MYRFL: variants seen among roughly 807,000 people sequenced by gnomAD.
The protein encoded by MYRFL is myelin regulatory factor-like protein.
Under a neutral mutation model 109.4 loss-of-function variants are expected in MYRFL, and 88 were observed. The ratio of observed to expected loss-of-function variants is 0.80; its 90% CI spans 0.68 to 0.96. The LOEUF is 0.96. MYRFL is among the 40% of genes least tolerant of loss of function. The probability of loss-of-function intolerance (pLI) is 0.00; values close to 1 mark genes in which losing one functional copy is unlikely to be tolerated. For missense variants in MYRFL, 957 were observed against 954.9 expected, an observed-to-expected ratio of 1.00 and a Z score of -0.03; for synonymous variants, 324 against 320.9, an observed-to-expected ratio of 1.01 and a Z score of -0.10.
At chr12:69,833,547 A>G (rs187027281) in intron 1 of MYRFL, among the ~76,000 whole-genome samples, 172 of 152,356 alleles carry the variant, frequency 1.1e-3, no homozygotes, top group South Asian at 3.7e-3. Flanking sequence ...TGGATATTGT[A>G]CTAAGACTTT....
intron 13 of MYRFL, among the ~76,000 whole-genome samples, chr12:69,915,103 T>G (rs1954691885): frequency 6.6e-6 from 1 of 152,244 alleles, no homozygotes; most frequent in East Asian, 1.9e-4. Context: ...TCTTTCTTTT[T>G]AAGAATACAG....
At chr12:69,892,495 C>T (rs968901826) in intron 7 of MYRFL, among the ~76,000 whole-genome samples, 2 of 152,084 alleles carry the variant, frequency 1.3e-5, no homozygotes, top group African/African-American at 4.8e-5. Context: ...ACTACAGCCT[C>T]AACTTCCTGG....
At chr12:69,935,990 C>G (rs912093160) in intron 16 of MYRFL, 123 bp from the exon 17 acceptor site, 15 of 1,192,032 alleles carry the variant, frequency 1.3e-5, no homozygotes, top group South Asian at 1.6e-5. Context: ...ATCCCCTCCC[C>G]CCTGCTCCCA....
intron 11 of MYRFL, among the ~76,000 whole-genome samples, chr12:69,907,034 C>T (rs1243937964): frequency 6.6e-6 from 1 of 152,184 alleles, no homozygotes; most frequent in East Asian, 1.9e-4. Context: ...AAGAGCAAGG[C>T]ACAGCAGTAA....
chr12:69,828,182 G>T (rs1471800069), intron 1 of MYRFL, among the ~76,000 whole-genome samples: 6 of 152,040 alleles, frequency 3.9e-5, no homozygotes, highest in Non-Finnish European at 8.8e-5. Flanking sequence ...ACATCATTCT[G>T]GGCTATGGGA....
chr12:69,874,761 GA>G (rs1885557248), intron 2 of MYRFL, among the ~76,000 whole-genome samples: 1 of 151,964 alleles, frequency 6.6e-6, no homozygotes, highest in African/African-American at 2.4e-5. Context: ...GCACTTTAAA[GA>G]TGTTTTTGTA....
At chr12:69,829,374 GT>G (rs1258212384) in intron 1 of MYRFL, among the ~76,000 whole-genome samples, 1 of 152,122 alleles carries the variant, frequency 6.6e-6, no homozygotes, top group Non-Finnish European at 1.5e-5. Flanking sequence ...AGTGCCCCAT[GT>G]TCAGGAAAAT....
At chr12:69,956,125 G>T (rs1270425098) in intron 22 of MYRFL, among the ~76,000 whole-genome samples, 1 of 150,008 alleles carries the variant, frequency 6.7e-6, no homozygotes, top group Non-Finnish European at 1.5e-5. Context: ...TCCCAGGTTG[G>T]TTTTTTTTTC....
chr12:69,920,651 C>T (rs2120425316), intron 13 of MYRFL, among the ~76,000 whole-genome samples: 1 of 152,256 alleles, frequency 6.6e-6, no homozygotes, highest in Middle Eastern at 3.4e-3. Context: ...GTAGAGGAAG[C>T]AGCATGTGCT....
chr12:69,940,232 C>T (rs1592875747), intron 19 of MYRFL, among the ~76,000 whole-genome samples: 2 of 151,772 alleles, frequency 1.3e-5, no homozygotes, highest in East Asian at 3.9e-4. Context: ...AGAAGAGCAA[C>T]TCCAAGACAC....
chr12:69,951,282 C>A (rs957568794), intron 19 of MYRFL, among the ~76,000 whole-genome samples: 1 of 152,130 alleles, frequency 6.6e-6, no homozygotes, highest in African/African-American at 2.4e-5. Context: ...GCTGGAAGTC[C>A]AAGACCAAGG....
chr12:69,936,105 T>TAAA lies in MYRFL; in HGVS notation c.1917-8_1917-7insAAA. On this transcript the variant is annotated splice_region_variant and splice_polypyrimidine_tract_variant and intron_variant, in intron 16 of 24. Transcript: ENST00000552032. ...TTTTTTTTTTTTTTTTTTTTTTTTT[T>TAAA]TTGACAGTGCTTTGACGATAGTTGC... The TAAA allele has an allele frequency of 2.3e-5, 31 of 1,327,002 alleles. No homozygotes were observed. The highest frequency in any genetic ancestry group is 2.7e-5 in the Non-Finnish European group (27 of 995,580). The allele number at this position is 1,327,002 out of a possible 1,614,324, so 82.2% of individuals were successfully genotyped here.
chr12:69,934,408 G>A (rs920277541), intron 16 of MYRFL, among the ~76,000 whole-genome samples: 1 of 152,210 alleles, frequency 6.6e-6, no homozygotes, highest in African/African-American at 2.4e-5. Context: ...GTGTTAGGGT[G>A]CTAATTAGTG....
At chr12:69,863,270 G>A (rs762100292) in intron 2 of MYRFL, among the ~76,000 whole-genome samples, 15 of 152,186 alleles carry the variant, frequency 9.9e-5, no homozygotes, top group Admixed American at 1.3e-4. Context: ...CTCATAAAAT[G>A]TGTTAGGGAG....
At chr12:69,852,353 A>G (rs1185978014) in intron 1 of MYRFL, among the ~76,000 whole-genome samples, 1 of 152,046 alleles carries the variant, frequency 6.6e-6, no homozygotes, top group African/African-American at 2.4e-5. Flanking sequence ...ATATATATTT[A>G]GATATCTTAT....
At chr12:69,927,597 A>G (rs1955137193) in intron 14 of MYRFL, 88 bp from the exon 15 acceptor site, 14 of 932,300 alleles carry the variant, frequency 1.5e-5, no homozygotes, top group Non-Finnish European at 2.2e-5. Context: ...AGAAAGTCAT[A>G]TTGCTATGTT....
At chr12:69,911,387 A>C (rs1450293065) in intron 13 of MYRFL, among the ~76,000 whole-genome samples, 1 of 152,234 alleles carries the variant, frequency 6.6e-6, no homozygotes, top group African/African-American at 2.4e-5. Flanking sequence ...TTAAAGATTA[A>C]GTGAAGTGTT....
At chr12:69,894,859 C>T (rs777463364) in intron 8 of MYRFL, among the ~76,000 whole-genome samples, 6 of 152,204 alleles carry the variant, frequency 3.9e-5, no homozygotes, top group East Asian at 1.9e-4. Flanking sequence ...GTACAAACAC[C>T]GCACTAAATG....
At position 69,832,944 on chromosome 12, in the gene MYRFL, TTGTGTGTGTGTGTG is replaced by T. The variant is rs57702116; in HGVS notation, c.46+7411_46+7424del. 8.9e-3 allele frequency among the ~76,000 whole-genome samples: 1,279 copies of T among 143,822 alleles called. 6 individuals are homozygous for T. Among genetic ancestry groups the T allele is most frequent in the African/African-American group, 0.012 (461 of 38,828 alleles). 94.4% of individuals were successfully genotyped at this position (143,822 alleles called of 152,430 possible). ...AGATGTCGAAGACTGAGGAACAGGC[TTGTGTGTGTGTGTG>T]TGTGTGTGTGTGTGTGTGTGTGTGT... On this transcript the variant is annotated intron_variant, in intron 1 of 24. Transcript: ENST00000552032.
Sources: gnomAD v4.1 joint callset for allele counts (sites outside exome capture counted in the v4.1 genomes callset) on GRCh38, gnomAD v4.1.1 for gene constraint, MANE v1.5 for transcripts, NCBI Gene and HGNC (gene_info 2026-07-23, HGNC 2026-07-21) for gene names.